DSP: variants seen among roughly 807,000 people sequenced by gnomAD.
DSP encodes 250/210 kDa paraneoplastic pemphigus antigen.
DSP carries 114 observed loss-of-function variants against 290.6 expected under a neutral mutation model. The ratio of observed to expected loss-of-function variants is 0.39; its 90% CI spans 0.34 to 0.46. DSP has a LOEUF of 0.46. Among genes scored for constraint, DSP ranks in the 20% least tolerant of loss-of-function variants. DSP has a pLI of 0.99. For missense variants in DSP, 3,230 were observed against 3,495.8 expected (o/e 0.92, Z 1.92); for synonymous variants, 1,311 against 1,316.4 (o/e 1.00, Z 0.09).
At position 7,571,940 on chromosome 6, in the gene DSP, A is replaced by G. The variant is rs763652996; in HGVS notation, c.2002A>G (p.Met668Val). Residue 668 changes from methionine to valine, a missense_variant, in exon 15 of 24, where the codon ATG (methionine) becomes GTG (valine). Met to Val is a conservative substitution (Grantham distance 21). Coordinates refer to ENST00000379802, the MANE Select transcript of DSP (RefSeq NM_004415.4). Reference sequence around the variant, plus strand: ...AGAAAATGACAAGCAAGAAACATGGATGCTGATGGAGCTGCAGAAGATTCG... The same window carrying G: ...AGAAAATGACAAGCAAGAAACATGGGTGCTGATGGAGCTGCAGAAGATTCG... ...NRENDKQETW[M>V]LMELQKIRRQ... The G allele has an allele frequency of 1.2e-6, 2 of 1,614,218 alleles. No individual in the cohort carries two copies. Among genetic ancestry groups the G allele is most frequent in the South Asian group, 1.1e-5 (1 of 91,088 alleles).
At chr6:7,549,726 G>A (rs2113644046) in intron 1 of DSP, among the ~76,000 whole-genome samples, 1 of 152,160 alleles carries the variant, frequency 6.6e-6, no homozygotes, top group South Asian at 2.1e-4. Context: ...ATGTACAAGA[G>A]CCTGTGTTGA....
Position 7,570,447 on chromosome 6 carries a change from T to C in DSP, c.1585T>C (p.Tyr529His). 6.2e-7 allele frequency: 1 copy of C among 1,614,160 alleles called. No individual in the cohort carries two copies. The highest frequency in any genetic ancestry group is 1.1e-5 in the South Asian group (1 of 91,082). The change falls in exon 13 of 24, where the codon TAC becomes CAC. Residue 529 changes from tyrosine (Y) to histidine (H), a missense_variant. Tyr to His is a moderately conservative substitution (Grantham distance 83). Coordinates refer to ENST00000379802, the MANE Select transcript of DSP (RefSeq NM_004415.4). ...CTTTGTGCCTCTTAGGATTGAGCAG[T>C]ACTACGAAGCCATCTTGGCTCTGTG... ...AVDLSCKIEQ[Y>H]YEAILALWNQ...
intron 16 of DSP, 25 bp downstream of exon 16, chr6:7,574,277 A>T: frequency 6.2e-7 from 1 of 1,609,338 alleles, no homozygotes; most frequent in East Asian, 2.2e-5. Flanking sequence ...CACTAATCTC[A>T]TATTTTCCTT....
rs909100033 is a variant in DSP at position 7,578,615 on chromosome 6, CTTA to C, written c.3084+60_3084+62del. The C allele has an allele frequency of 1.5e-4, 197 of 1,297,816 alleles. No individual in the cohort carries two copies. The African/African-American group carries it at 2.5e-3, about 17-fold the overall frequency. 80.4% of individuals were successfully genotyped at this position (1,297,816 alleles called of 1,614,324 possible). The stretch of plus-strand genomic sequence containing the variant: ...GTCAAAAAAGAAAATAGAATAGAAC[CTTA>C]TTATTACTTCCACATTATAACATGG... On this transcript the variant is annotated intron_variant, in intron 22 of 23. Transcript: ENST00000379802.
rs185846631 is a variant in DSP, at chr6:7,583,374, A to C, written c.6112A>C (p.Lys2038Gln). The change falls in exon 24 of 24, where the codon AAA becomes CAA. Residue 2038 changes from lysine to glutamine, a missense_variant. Transcript: ENST00000379802. This position sits in a 1 kb window ranked among gnomAD's most constrained non-coding sequence, Gnocchi z 4.0. ...KYSLVEAKRK[K>Q]LISPESTVML... ...CTCTTTGGTAGAGGCCAAGAGAAAG[A>C]AATTAATCAGCCCAGAATCCACAGT... The C allele has an allele frequency of 7.4e-6, 12 of 1,614,200 alleles. No homozygotes were observed. The highest frequency in any genetic ancestry group is 1.3e-5 in the African/African-American group (1 of 75,046).
chr6:7,579,452 C>T lies in DSP; in HGVS notation c.3262C>T (p.Leu1088=). 10 of 1,614,054 alleles carry T rather than the reference C, an allele frequency of 6.2e-6. No individual in the cohort carries two copies. Among genetic ancestry groups the T allele is most frequent in the Non-Finnish European group, 8.5e-6 (10 of 1,180,024 alleles). Residue 1088 remains leucine (L), a synonymous_variant, in exon 23 of 24, where the codon CTG becomes TTG. Coordinates refer to ENST00000379802, the MANE Select transcript of DSP (RefSeq NM_004415.4). The surrounding 1 kb of genome is among the most constrained non-coding windows in gnomAD (Gnocchi z 4.1). ...GGAGGAGCTGAAGAGACAGGCTGAG[C>T]TGGATGGGAAGTCGGCTAAGCAAAA... ...SLEELKRQAE[L]DGKSAKQNLD...
Position 7,580,576 on chromosome 6 carries a change from C to G in DSP, c.4386C>G (p.Ser1462Arg). ...TCACTCAGATGCGAACAGAGGAGAG[C>G]GTAAGATATAAGCAATCTCTTGATG... ...RQVTQMRTEE[S>R]VRYKQSLDDA... The change falls in exon 23 of 24, where the codon AGC (serine) becomes AGG (arginine). Residue 1462 changes from serine to arginine, a missense_variant. Around this residue, in one of 5 missense-constraint regions of DSP, gnomAD observed 1,714 missense variants for 1,844.5 expected, o/e 0.93. Coordinates refer to ENST00000379802, the MANE Select transcript of DSP (RefSeq NM_004415.4). This position sits in a 1 kb window ranked among gnomAD's most constrained non-coding sequence, Gnocchi z 4.2. The G allele has an allele frequency of 1.2e-6, 2 of 1,613,950 alleles. No individual in the cohort carries two copies. The highest frequency in any genetic ancestry group is 1.7e-6 in the Non-Finnish European group (2 of 1,180,002).
intron 1 of DSP, among the ~76,000 whole-genome samples, chr6:7,548,968 G>A (rs1758254907): frequency 6.6e-6 from 1 of 152,202 alleles, no homozygotes; most frequent in Admixed American, 6.5e-5. Flanking sequence ...AGATGACTAA[G>A]ACATGGGACT....
intron 13 of DSP, 77 bp downstream of exon 13, chr6:7,570,640 A>G (rs937553065): frequency 2.5e-6 from 4 of 1,597,960 alleles, no homozygotes; most frequent in Non-Finnish European, 3.4e-6. Context: ...CCAACAGTTC[A>G]ACCTTCTTGC....
intron 1 of DSP, among the ~76,000 whole-genome samples, chr6:7,545,073 C>CT (rs987719716): frequency 6.6e-6 from 1 of 152,126 alleles, no homozygotes; most frequent in Non-Finnish European, 1.5e-5. Flanking sequence ...TTAGATCTTT[C>CT]TTTCACCCAT....
intron 15 of DSP, 101 bp downstream of exon 15, chr6:7,572,169 T>G (rs1759077112): frequency 9.2e-7 from 1 of 1,091,024 alleles, no homozygotes; most frequent in Non-Finnish European, 1.3e-6. Context: ...GGCAAAAATA[T>G]TAACTTTCAA....
intron 11 of DSP, 54 bp from the exon 12 acceptor site, chr6:7,569,132 A>G (rs1460609524): frequency 1.9e-6 from 3 of 1,611,406 alleles, no homozygotes; most frequent in African/African-American, 2.7e-5. Context: ...GAGAAAAAAA[A>G]TAAAAACACA....
chr6:7,543,393 C>CTTTTCT (rs1758076608), intron 1 of DSP, among the ~76,000 whole-genome samples: 1 of 80,042 alleles, frequency 1.2e-5, no homozygotes, highest in Non-Finnish European at 2.4e-5. Context: ...TCTATTTTCG[C>CTTTTCT]TTTTTTTTTT....
chr6:7,585,762 C>T lies in DSP; in HGVS notation c.8500C>T (p.Arg2834Cys), dbSNP rs753033333. The change falls in exon 24 of 24, where the codon CGC becomes TGC. Residue 2834 changes from arginine (R) to cysteine (C), a missense_variant. Physicochemically the swap from Arg to Cys is radical, Grantham distance 180. Coordinates refer to ENST00000379802, the MANE Select transcript of DSP (RefSeq NM_004415.4). ...CCGCTCCGGCTCCCGCTCGGGATCTCGCTCCGGATCTCGCTCCGGGTCCCG... is the reference window on the plus strand; with the variant it reads ...CCGCTCCGGCTCCCGCTCGGGATCTTGCTCCGGATCTCGCTCCGGGTCCCG... Reference protein sequence around the residue: ...GSRSGSRSGSRSGSRSGSRSG... With the variant: ...GSRSGSRSGSCSGSRSGSRSG... 5.0e-5 allele frequency: 80 copies of T among 1,607,478 alleles called. No homozygotes were observed. Among genetic ancestry groups the T allele is most frequent in the Non-Finnish European group, 6.4e-5 (75 of 1,176,502 alleles).
At chr6:7,567,599 C>T in intron 9 of DSP, 150 bp downstream of exon 9, 1 of 1,165,538 alleles carries the variant, frequency 8.6e-7, no homozygotes, top group Non-Finnish European at 1.2e-6. Context: ...GATTTGCAAC[C>T]TTGCCATCAG....
rs767835744 is a variant in DSP at position 7,583,961 on chromosome 6, C to T, written c.6699C>T (p.Val2233=). The T allele has an allele frequency of 1.2e-5, 20 of 1,613,996 alleles. No homozygotes were observed. Among genetic ancestry groups the T allele is most frequent in the African/African-American group, 2.7e-5 (2 of 74,920 alleles). The stretch of plus-strand genomic sequence containing the variant: ...CTGGTATATTGAGACCGTCCACTGT[C>T]AATGAACTGGAATCTGGTCAGATTT... ...VDSGILRPST[V]NELESGQISY... The change falls in exon 24 of 24, where the codon GTC becomes GTT. Residue 2233 remains valine (V), a synonymous_variant. Coordinates refer to ENST00000379802, the MANE Select transcript of DSP (RefSeq NM_004415.4). The surrounding 1 kb of genome is among the most constrained non-coding windows in gnomAD (Gnocchi z 4.0).
chr6:7,575,159 G>T (rs1057367889), intron 17 of DSP, 136 bp from the exon 18 acceptor site: 3 of 834,944 alleles, frequency 3.6e-6, no homozygotes, highest in Admixed American at 2.3e-5. Flanking sequence ...TATTTCCCTG[G>T]ATTGACTGTT....
intron 4 of DSP, among the ~76,000 whole-genome samples, chr6:7,559,937 C>T (rs1460986557): frequency 6.6e-6 from 1 of 152,194 alleles, no homozygotes; most frequent in Non-Finnish European, 1.5e-5. Flanking sequence ...CATTGTGCAA[C>T]CATCACGTCA....
At chr6:7,573,596 GAA>G (rs1052619991) in intron 15 of DSP, among the ~76,000 whole-genome samples, 1 of 151,518 alleles carries the variant, frequency 6.6e-6, no homozygotes, top group Non-Finnish European at 1.5e-5. Context: ...AAAAAAGAAA[GAA>G]AGAGATCCTG....
Sources: allele counts gnomAD v4.1 joint callset (sites outside exome capture counted in the v4.1 genomes callset), GRCh38; gene constraint gnomAD v4.1.1; regional missense constraint gnomAD v4.1.1; non-coding constraint Gnocchi (gnomAD v3.1); transcripts MANE v1.5; gene names NCBI Gene and HGNC (gene_info 2026-07-23, HGNC 2026-07-21).